Variants in TRPC4AP observed in about 807,000 individuals in gnomAD.
TRPC4AP encodes short transient receptor potential channel 4-associated protein.
Under a neutral mutation model 99.0 loss-of-function variants are expected in TRPC4AP, and 45 were observed. That is an observed-to-expected ratio of 0.45 (90% CI 0.36 to 0.58). The LOEUF is 0.58. Among genes scored for constraint, TRPC4AP ranks in the 20% least tolerant of loss-of-function variants. The probability of loss-of-function intolerance (pLI) is 0.00; values close to 1 mark genes in which losing one functional copy is unlikely to be tolerated. For missense variants in TRPC4AP, 879 were observed against 985.3 expected, an observed-to-expected ratio of 0.89 and a Z score of 1.44; for synonymous variants, 408 against 385.8, an observed-to-expected ratio of 1.06 and a Z score of -0.67.
chr20:35,060,259 GA>G (rs2083963402), intron 3 of TRPC4AP, among the ~76,000 whole-genome samples: 1 of 151,978 alleles, frequency 6.6e-6, no homozygotes, highest in African/African-American at 2.4e-5. Flanking sequence ...CAAAAATCCT[GA>G]AAACCCTAGC....
chr20:35,057,500 ATAGG>A lies in TRPC4AP; in HGVS notation c.472+10_472+13del, dbSNP rs1265064960. 6.2e-7 allele frequency: 1 copy of A among 1,605,876 alleles called. No individual in the cohort carries two copies. The highest frequency in any genetic ancestry group is 2.2e-5 in the East Asian group (1 of 44,514). On this transcript the variant is annotated intron_variant, in intron 4 of 18. Coordinates refer to ENST00000252015, the MANE Select transcript of TRPC4AP (RefSeq NM_015638.3). Reference sequence around the variant, plus strand: ...GTTGGAAAACAAGGACCAGTAGCTAATAGGTATACTTACTTTTCAGTTTCTGTCC... The same window carrying A: ...GTTGGAAAACAAGGACCAGTAGCTAATATACTTACTTTTCAGTTTCTGTCC...
chr20:35,012,174 C>T (rs1048160274), intron 11 of TRPC4AP, among the ~76,000 whole-genome samples: 3 of 152,338 alleles, frequency 2.0e-5, no homozygotes, highest in Non-Finnish European at 4.4e-5. Context: ...GGCTTTCAGC[C>T]GGAAAACCTC....
At chr20:35,092,346 G>A (rs1018247128) in intron 1 of TRPC4AP, among the ~76,000 whole-genome samples, 4 of 152,030 alleles carry the variant, frequency 2.6e-5, no homozygotes, top group African/African-American at 9.7e-5. Flanking sequence ...AAGAAGGGAG[G>A]ATCCAGAAAC....
intron 7 of TRPC4AP, among the ~76,000 whole-genome samples, chr20:35,042,234 G>C (rs567196762): frequency 2.3e-4 from 35 of 152,326 alleles, no homozygotes; most frequent in African/African-American, 8.4e-4. Context: ...AGCAAATCTA[G>C]AGAGAGAATA....
At chr20:35,090,833 T>C (rs6060218) in intron 1 of TRPC4AP, among the ~76,000 whole-genome samples, 117,455 of 152,160 alleles carry the variant, frequency 0.77, 45,693 homozygotes, top group Middle Eastern at 0.83. Flanking sequence ...GAACATATCA[T>C]CTAACCTCTC....
chr20:35,076,251 C>CCTT (rs200117057), intron 2 of TRPC4AP, among the ~76,000 whole-genome samples: 120,086 of 151,892 alleles, frequency 0.79, 48,029 homozygotes, highest in African/African-American at 0.89. Context: ...TCATCTGAAG[C>CCTT]CTTCTCTCAA....
Position 35,021,314 on chromosome 20 carries a change from C to T in TRPC4AP, c.1094G>A (p.Gly365Asp), listed in dbSNP as rs140050862. The change falls in exon 9 of 19, where the codon GGC becomes GAC. Residue 365 changes from glycine to aspartate, a missense_variant. Gly to Asp is a moderately conservative substitution (Grantham distance 94). Transcript: ENST00000252015. ...GGTTCTGGCTGACGTGTGAGGCAGGCCATTCTCCTCAGAAGCCCCTGGAGG... is the reference window on the plus strand; with the variant it reads ...GGTTCTGGCTGACGTGTGAGGCAGGTCATTCTCCTCAGAAGCCCCTGGAGG... The part of the protein sequence containing the change: ...FPPPGASEEN[G>D]LPHTSARTQL... The T allele has an allele frequency of 1.2e-6, 2 of 1,614,048 alleles. No homozygotes were observed. Among genetic ancestry groups the T allele is most frequent in the Non-Finnish European group, 1.7e-6 (2 of 1,180,044 alleles).
At chr20:35,039,955 T>C (rs540351771) in intron 7 of TRPC4AP, among the ~76,000 whole-genome samples, 12 of 151,444 alleles carry the variant, frequency 7.9e-5, no homozygotes, top group South Asian at 4.2e-4. Context: ...AGGAAGATAG[T>C]GTAAATCATT....
At position 35,004,484 on chromosome 20, in the gene TRPC4AP, T is replaced by C; in HGVS notation, c.2023A>G (p.Ile675Val). Residue 675 changes from isoleucine to valine, a missense_variant, in exon 17 of 19, where the codon ATC becomes GTC. Ile to Val is a conservative substitution (Grantham distance 29, BLOSUM62 3). This residue lies in a region of TRPC4AP where 224 missense variants were observed against 264.7 expected (regional missense o/e 0.85). Transcript: ENST00000252015. ...TGGGTCAGCGTCTGCACGTGGATGA[T>C]GTTGATGAGGCGGAAGAGGAAGGAC... ...QMSFLFRLIN[I>V]IHVQTLTQEN... 1.9e-6 allele frequency: 3 copies of C among 1,613,960 alleles called. No homozygotes were observed. Among genetic ancestry groups the C allele is most frequent in the Middle Eastern group, 1.6e-4 (1 of 6,062 alleles).
intron 5 of TRPC4AP, among the ~76,000 whole-genome samples, chr20:35,050,953 G>A (rs1213158751): frequency 6.6e-6 from 1 of 151,662 alleles, no homozygotes; most frequent in Non-Finnish European, 1.5e-5. Flanking sequence ...GCTACAATCT[G>A]TCTCACCACT....
chr20:35,073,245 T>C (rs1329456842), intron 2 of TRPC4AP, among the ~76,000 whole-genome samples: 1 of 152,186 alleles, frequency 6.6e-6, no homozygotes, highest in Non-Finnish European at 1.5e-5. Context: ...ACTTCCTCTT[T>C]TCCTAATTGA....
At chr20:35,063,944 A>G (rs139080738) in intron 3 of TRPC4AP, among the ~76,000 whole-genome samples, 1 of 152,218 alleles carries the variant, frequency 6.6e-6, no homozygotes, top group Admixed American at 6.5e-5. Flanking sequence ...AGAAAAAAAT[A>G]AATGTTAGAA....
intron 1 of TRPC4AP, among the ~76,000 whole-genome samples, chr20:35,088,784 A>C (rs1352004154): frequency 6.6e-6 from 1 of 152,160 alleles, no homozygotes; most frequent in Non-Finnish European, 1.5e-5. Flanking sequence ...ATCACATGCT[A>C]TACCACAGAT....
chr20:35,006,579 G>A lies in TRPC4AP; in HGVS notation c.1687-4C>T. 6.2e-7 allele frequency: 1 copy of A among 1,613,018 alleles called. No individual in the cohort carries two copies. Among genetic ancestry groups the A allele is most frequent in the Non-Finnish European group, 8.5e-7 (1 of 1,179,182 alleles). ...CCACAATGCAGTAAAGGATGTGCTG[G>A]GTGAGGAGGGACAGGGTGAAGGTGT... On this transcript the variant is annotated splice_polypyrimidine_tract_variant and splice_region_variant and intron_variant, in intron 14 of 18. Transcript: ENST00000252015.
rs2082674869 is a variant in TRPC4AP, at chr20:35,013,069, G to A, written c.1351-3C>T. 1 of 1,613,962 alleles carries A rather than the reference G, an allele frequency of 6.2e-7. No individual in the cohort carries two copies. Among genetic ancestry groups the A allele is most frequent in the African/African-American group, 1.3e-5 (1 of 74,932 alleles). On this transcript the variant is annotated splice_polypyrimidine_tract_variant and splice_region_variant and intron_variant, in intron 10 of 18. Coordinates refer to ENST00000252015, the MANE Select transcript of TRPC4AP (RefSeq NM_015638.3). The stretch of plus-strand genomic sequence containing the variant: ...AACTGTATCTTCAAGGTGATGTCCT[G>A]AAACACATGCACAGCCTCAATGTTA...
At chr20:35,055,365 TTGTTTTTTG>T (rs1199232603) in intron 4 of TRPC4AP, among the ~76,000 whole-genome samples, 12 of 152,364 alleles carry the variant, frequency 7.9e-5, no homozygotes, top group African/African-American at 2.4e-4. Flanking sequence ...TTTGTTTTTT[TTGTTTTTTG>T]TGTTTTTTGG....
chr20:35,002,939 T>G lies in TRPC4AP; in HGVS notation c.*207A>C. 17 of 602,594 alleles carry G rather than the reference T, an allele frequency of 2.8e-5. No homozygotes were observed. Among genetic ancestry groups the G allele is most frequent in the Non-Finnish European group, 3.7e-5 (13 of 353,600 alleles). 37.3% of individuals were successfully genotyped at this position (602,594 alleles called of 1,614,324 possible). A position where few individuals can be genotyped will look rare whatever the true frequency, so the allele number is the denominator to read the frequency against. On this transcript the variant is annotated 3_prime_UTR_variant, in exon 19 of 19. Transcript: ENST00000252015. ...AGGTGGGCATGGTACCCTGTCCTCATTATGGGGACTGAGGCTCTCCATGAC... is the reference window on the plus strand; with the variant it reads ...AGGTGGGCATGGTACCCTGTCCTCAGTATGGGGACTGAGGCTCTCCATGAC...
intron 8 of TRPC4AP, chr20:35,030,555 G>A (rs990733066): frequency 6.6e-6 from 1 of 152,092 alleles, no homozygotes; most frequent in Non-Finnish European, 1.5e-5. Flanking sequence ...TTTTATGTTA[G>A]AGAAACTGAG....
intron 1 of TRPC4AP, among the ~76,000 whole-genome samples, chr20:35,091,687 A>G (rs1476172465): frequency 6.6e-6 from 1 of 152,200 alleles, no homozygotes; most frequent in Non-Finnish European, 1.5e-5. Flanking sequence ...TTTACCCTAA[A>G]GCAGTGTCCT....
Sources: allele counts gnomAD v4.1 joint callset (sites outside exome capture counted in the v4.1 genomes callset), GRCh38; gene constraint gnomAD v4.1.1; regional missense constraint gnomAD v4.1.1; transcripts MANE v1.5; gene names NCBI Gene and HGNC (gene_info 2026-07-23, HGNC 2026-07-21).